The following COL23A1 variants were observed in gnomAD, a reference collection of about 807,000 sequenced individuals.
The protein encoded by COL23A1 is collagen type XXIII alpha 1 chain.
Under a neutral mutation model 99.3 loss-of-function variants are expected in COL23A1, and 97 were observed. The ratio of observed to expected loss-of-function variants is 0.98; its 90% CI spans 0.83 to 1.16. COL23A1 has a LOEUF of 1.16. COL23A1 is among the 50% of genes most tolerant of loss of function. The pLI is 0.00. For missense variants in COL23A1, 762 were observed against 757.4 expected, an observed-to-expected ratio of 1.01 and a Z score of -0.07; for synonymous variants, 320 against 308.2, an observed-to-expected ratio of 1.04 and a Z score of -0.40.
chr5:178,396,950 A>G (rs1414018873), intron 2 of COL23A1, among the ~76,000 whole-genome samples: 1 of 152,196 alleles, frequency 6.6e-6, no homozygotes, highest in East Asian at 1.9e-4. Context: ...TGTCCAGTGA[A>G]CAAACGTCAA....
chr5:178,375,905 A>G (rs891959966), intron 2 of COL23A1, among the ~76,000 whole-genome samples: 5 of 152,258 alleles, frequency 3.3e-5, no homozygotes, highest in African/African-American at 1.2e-4. Flanking sequence ...ACAGGGTTTC[A>G]CCATGTTGGC....
At chr5:178,335,671 G>T (rs971193544) in intron 2 of COL23A1, among the ~76,000 whole-genome samples, 2 of 152,186 alleles carry the variant, frequency 1.3e-5, no homozygotes, top group African/African-American at 4.8e-5. Context: ...GACCAAAAAG[G>T]AGTTTCTGCC....
chr5:178,444,014 C>A (rs1167013127), intron 2 of COL23A1, among the ~76,000 whole-genome samples: 4 of 151,942 alleles, frequency 2.6e-5, no homozygotes, highest in African/African-American at 9.7e-5. Flanking sequence ...CCAACCCAGG[C>A]AACATGGTGA....
intron 1 of COL23A1, among the ~76,000 whole-genome samples, chr5:178,588,131 G>A (rs895547641): frequency 1.1e-4 from 16 of 152,190 alleles, no homozygotes; most frequent in African/African-American, 3.9e-4. Flanking sequence ...CAAGAACAGA[G>A]AGAGAGAGAG....
At chr5:178,518,633 A>G (rs1235591240) in intron 2 of COL23A1, among the ~76,000 whole-genome samples, 6 of 148,260 alleles carry the variant, frequency 4.0e-5, no homozygotes, top group South Asian at 4.3e-4. Flanking sequence ...GCGGCCGGGC[A>G]GAGACGCTCC....
intron 2 of COL23A1, among the ~76,000 whole-genome samples, chr5:178,406,630 A>G (rs1764779191): frequency 6.6e-6 from 1 of 151,892 alleles, no homozygotes; most frequent in African/African-American, 2.4e-5. Flanking sequence ...GGATTTCACC[A>G]TGTTGGTCAG....
At chr5:178,441,877 C>G (rs1292783896) in intron 2 of COL23A1, among the ~76,000 whole-genome samples, 1 of 152,082 alleles carries the variant, frequency 6.6e-6, no homozygotes, top group African/African-American at 2.4e-5. Flanking sequence ...CTGTGGGCCC[C>G]AAGTCATCAA....
At position 178,581,680 on chromosome 5, in the gene COL23A1, C is replaced by T. The variant is rs188915611; in HGVS notation, c.294+8224G>A. On this transcript the variant is annotated intron_variant, in intron 1 of 28. Coordinates refer to ENST00000390654, the MANE Select transcript of COL23A1 (RefSeq NM_173465.4). ...GAAAGAAACTTTCCCCTCAAAACCA[C>T]TGACTGTACCATTATCTGCACTAAC... Among the ~76,000 whole-genome samples the T allele has an allele frequency of 1.2e-4, 19 of 152,268 alleles. No individual in the cohort carries two copies. In the East Asian group the frequency reaches 3.7e-3, roughly 29 times the overall value.
At chr5:178,417,145 G>A (rs762474450) in intron 2 of COL23A1, among the ~76,000 whole-genome samples, 3 of 152,226 alleles carry the variant, frequency 2.0e-5, no homozygotes, top group Non-Finnish European at 4.4e-5. Context: ...GGAGGCTTGT[G>A]CTTACTGGAA....
At chr5:178,451,356 C>T (rs1767475235) in intron 2 of COL23A1, among the ~76,000 whole-genome samples, 1 of 152,064 alleles carries the variant, frequency 6.6e-6, no homozygotes, top group Non-Finnish European at 1.5e-5. Flanking sequence ...AATATGGTCA[C>T]ATTAAAAAAT....
chr5:178,409,100 C>A (rs568422283), intron 2 of COL23A1, among the ~76,000 whole-genome samples: 32 of 151,256 alleles, frequency 2.1e-4, no homozygotes, highest in African/African-American at 7.8e-4. Context: ...AAAACCTGTA[C>A]ATGGATGCTC....
At chr5:178,326,005 C>T (rs1419747276) in intron 2 of COL23A1, among the ~76,000 whole-genome samples, 1 of 152,182 alleles carries the variant, frequency 6.6e-6, no homozygotes, top group Non-Finnish European at 1.5e-5. Context: ...GTGGATCTAG[C>T]CCTAGTAAAC....
At position 178,518,933 on chromosome 5, in the gene COL23A1, GGCGGCTGCGGTCGGTCGCGGCA is replaced by G. The variant is rs1485305458; in HGVS notation, c.361+41727_361+41748del. ...TCCATCCTCCCGGCGGTCGGGCGGC[GGCGGCTGCGGTCGGTCGCGGCA>G]GCGGCTCCGCTTCATATCTGCAGCT... On this transcript the variant is annotated intron_variant, in intron 2 of 28. Coordinates refer to ENST00000390654, the MANE Select transcript of COL23A1 (RefSeq NM_173465.4). Among the ~76,000 whole-genome samples, 297 of 93,298 alleles carry G rather than the reference GGCGGCTGCGGTCGGTCGCGGCA, an allele frequency of 3.2e-3. 1 individual carries two copies. Among genetic ancestry groups the G allele is most frequent in the African/African-American group, 0.013 (278 of 21,398 alleles). The allele number at this position is 93,298 out of a possible 152,430, so 61.2% of individuals were successfully genotyped here. A position where few individuals can be genotyped will look rare whatever the true frequency, so the allele number is the denominator to read the frequency against.
chr5:178,399,495 G>A (rs547066210), intron 2 of COL23A1, among the ~76,000 whole-genome samples: 3 of 152,338 alleles, frequency 2.0e-5, no homozygotes, highest in South Asian at 4.1e-4. Context: ...GGGCCACCTT[G>A]TTGAGCCGAT....
intron 2 of COL23A1, among the ~76,000 whole-genome samples, chr5:178,441,510 C>T (rs1302009567): frequency 1.3e-5 from 2 of 152,040 alleles, no homozygotes; most frequent in Non-Finnish European, 2.9e-5. Flanking sequence ...CAAGGCCTCT[C>T]GGTACAGGCG....
intron 2 of COL23A1, among the ~76,000 whole-genome samples, chr5:178,370,612 C>A (rs1412990887): frequency 6.6e-6 from 1 of 152,134 alleles, no homozygotes; most frequent in Non-Finnish European, 1.5e-5. Flanking sequence ...CCTTTGTAAT[C>A]CCAGCACTTT....
rs1363939291 is a variant in COL23A1 at position 178,564,698 on chromosome 5, C to T, written c.295-3950G>A. Among the ~76,000 whole-genome samples the T allele has an allele frequency of 2.6e-5, 4 of 152,110 alleles. No individual in the cohort carries two copies. In the East Asian group the frequency reaches 7.7e-4, roughly 29 times the overall value. On this transcript the variant is annotated intron_variant, in intron 1 of 28. Transcript: ENST00000390654. ...AAGAGCTCAGGGAATCAGGGAAATC[C>T]TGGTTTTTAGAAAAGCATTCATGAC... is the stretch of plus-strand genomic sequence containing the variant.
At chr5:178,539,564 A>AG (rs1761174646) in intron 2 of COL23A1, among the ~76,000 whole-genome samples, 1 of 137,194 alleles carries the variant, frequency 7.3e-6, no homozygotes, top group Non-Finnish European at 1.6e-5. Flanking sequence ...AAAAAAAAAA[A>AG]AAAAGAAAAA....
At chr5:178,518,470 C>T (rs1343284086) in intron 2 of COL23A1, among the ~76,000 whole-genome samples, 17 of 148,068 alleles carry the variant, frequency 1.1e-4, no homozygotes, top group African/African-American at 4.0e-4. Flanking sequence ...CCAGTAGGGG[C>T]GGCCGGGCAG....
Sources: gnomAD v4.1 joint callset for allele counts (sites outside exome capture counted in the v4.1 genomes callset) on GRCh38, gnomAD v4.1.1 for gene constraint, MANE v1.5 for transcripts, NCBI Gene and HGNC (gene_info 2026-07-23, HGNC 2026-07-21) for gene names.